The following CYP2U1 variants were observed in gnomAD, a reference collection of about 807,000 sequenced individuals.
CYP2U1 encodes cytochrome P450 2U1.
A neutral mutation model predicts 42.8 loss-of-function variants in CYP2U1; 28 were observed. That is an observed-to-expected ratio of 0.65 (90% CI 0.48 to 0.90). CYP2U1 has a LOEUF of 0.90. Among genes scored for constraint, CYP2U1 ranks in the 40% least tolerant of loss-of-function variants. The probability of loss-of-function intolerance (pLI) is 0.00; values close to 1 mark genes in which losing one functional copy is unlikely to be tolerated. For missense variants in CYP2U1, 642 were observed against 693.8 expected (o/e 0.93, Z 0.84); for synonymous variants, 296 against 278.9 (o/e 1.06, Z -0.61).
chr4:107,945,828 G>A (rs893511308), intron 2 of CYP2U1, among the ~76,000 whole-genome samples: 11 of 152,180 alleles, frequency 7.2e-5, no homozygotes, highest in African/African-American at 1.9e-4. Flanking sequence ...AAATCTCTAC[G>A]CGTCTGATTC....
At chr4:107,936,204 TTACAAAATCAGAG>T (rs1733258184) in intron 1 of CYP2U1, 1 of 152,132 alleles carries the variant, frequency 6.6e-6, no homozygotes, top group African/African-American at 2.4e-5. Context: ...GAAAAGAAAA[TTACAAAATCAGAG>T]CTAAGGCTAC....
At chr4:107,932,878 G>A (rs768227740) in intron 1 of CYP2U1, among the ~76,000 whole-genome samples, 4 of 152,166 alleles carry the variant, frequency 2.6e-5, no homozygotes, top group Non-Finnish European at 4.4e-5. Context: ...TCCCTTGTTA[G>A]AACCAGGTCC....
Position 107,947,531 on chromosome 4 carries a change from AACACAGGCAAGTCC to A in CYP2U1, c.1284_1288+9del, listed in dbSNP as rs752273786. On this transcript the variant is annotated splice_donor_variant and splice_donor_5th_base_variant and coding_sequence_variant and intron_variant, in exon 3 of 5. Transcript: ENST00000332884. LOFTEE classifies it high-confidence loss of function. ...TGCCATTCCTCATATGACCTCAGAG[AACACAGGCAAGTCC>A]AGGGTCTTCCTCTTTGAATGCCCTT... 1.2e-6 allele frequency: 2 copies of A among 1,613,978 alleles called. No individual in the cohort carries two copies. The highest frequency in any genetic ancestry group is 1.7e-6 in the Non-Finnish European group (2 of 1,179,964).
chr4:107,946,100 C>T (rs1733689440), intron 2 of CYP2U1, among the ~76,000 whole-genome samples: 1 of 152,124 alleles, frequency 6.6e-6, no homozygotes, highest in African/African-American at 2.4e-5. Flanking sequence ...AACAAATTAC[C>T]ACAAACCGAG....
chr4:107,939,142 CAG>C (rs1230113903), intron 1 of CYP2U1: 1 of 152,454 alleles, frequency 6.6e-6, no homozygotes, highest in African/African-American at 2.4e-5. Flanking sequence ...GCCTGGGTGA[CAG>C]AGTGTGGCTC....
intron 3 of CYP2U1, among the ~76,000 whole-genome samples, chr4:107,948,160 C>G (rs1391718379): frequency 6.7e-6 from 1 of 150,054 alleles, no homozygotes; most frequent in Non-Finnish European, 1.5e-5. Flanking sequence ...CCCAGCTACT[C>G]AGGAGGCTGA....
intron 1 of CYP2U1, among the ~76,000 whole-genome samples, chr4:107,942,816 T>G (rs1330282771): frequency 6.6e-6 from 1 of 152,184 alleles, no homozygotes; most frequent in Non-Finnish European, 1.5e-5. Flanking sequence ...TATAGAAACT[T>G]AAATGTGAAA....
rs1733924498 is a variant in CYP2U1 at position 107,951,971 on chromosome 4, T to TAG, written c.*1548_*1549insAG. 1 of 152,204 alleles carries TAG rather than the reference T, an allele frequency of 6.6e-6. No homozygotes were observed. Among genetic ancestry groups the TAG allele is most frequent in the African/African-American group, 2.4e-5 (1 of 41,460 alleles). 9.4% of individuals were successfully genotyped at this position (152,204 alleles called of 1,614,324 possible). On this transcript the variant is annotated 3_prime_UTR_variant, in exon 5 of 5. Transcript: ENST00000332884. ...GACTAAAGAACACTTTCAGAACCAC[T>TAG]TCTTGATTCTGCCACCACTTGATCC...
chr4:107,942,188 A>G (rs1207162413), intron 1 of CYP2U1, among the ~76,000 whole-genome samples: 1 of 152,196 alleles, frequency 6.6e-6, no homozygotes, highest in Non-Finnish European at 1.5e-5. Context: ...GGCCACATCC[A>G]GAGACAAACA....
At chr4:107,934,158 T>C (rs1299276925) in intron 1 of CYP2U1, among the ~76,000 whole-genome samples, 1 of 144,728 alleles carries the variant, frequency 6.9e-6, no homozygotes, top group African/African-American at 2.6e-5. Flanking sequence ...TTTCTCCACG[T>C]CCTCACCAAC....
chr4:107,935,657 AG>A (rs1733233330), intron 1 of CYP2U1: 1 of 152,218 alleles, frequency 6.6e-6, no homozygotes, highest in Non-Finnish European at 1.5e-5. Context: ...TGATCATCAA[AG>A]GATGAAGGAA....
intron 2 of CYP2U1, among the ~76,000 whole-genome samples, chr4:107,946,694 T>C (rs1173065593): frequency 6.6e-6 from 1 of 152,080 alleles, no homozygotes; most frequent in Non-Finnish European, 1.5e-5. Context: ...TGACTTCCAG[T>C]TTAGGGTTTC....
intron 1 of CYP2U1, among the ~76,000 whole-genome samples, chr4:107,939,676 G>A (rs767015634): frequency 1.3e-5 from 2 of 152,116 alleles, no homozygotes; most frequent in Non-Finnish European, 2.9e-5. Flanking sequence ...ATCTCAAAAC[G>A]GGTTAGAAAT....
intron 3 of CYP2U1, among the ~76,000 whole-genome samples, chr4:107,948,645 C>G (rs759480450): frequency 1.3e-4 from 20 of 152,238 alleles, no homozygotes; most frequent in Non-Finnish European, 2.6e-4. Context: ...CTAAAGTCAC[C>G]TGTTTCAGCC....
chr4:107,933,519 C>T (rs1241107810), intron 1 of CYP2U1, among the ~76,000 whole-genome samples: 1 of 152,192 alleles, frequency 6.6e-6, no homozygotes, highest in Non-Finnish European at 1.5e-5. Flanking sequence ...TTTATCCCTA[C>T]TCATTTAAAA....
In CYP2U1 at chr4:107,949,393, C is replaced by T. The variant is rs778388068; in HGVS notation, c.1332C>T (p.Pro444=). Residue 444 remains proline, a synonymous_variant, in exon 4 of 5, where the codon CCC becomes CCT. Coordinates refer to ENST00000332884, the MANE Select transcript of CYP2U1 (RefSeq NM_183075.3). The part of the protein sequence containing the change: ...YTIPKGTLIL[P]NLWSVHRDPA... ...TTCCTAAAGGCACATTGATCTTACC[C>T]AACCTGTGGTCAGTACATAGAGACC... 7 of 1,597,980 alleles carry T rather than the reference C, an allele frequency of 4.4e-6. No homozygotes were observed. In the South Asian group the frequency reaches 8.0e-5, roughly 18 times the overall value.
intron 1 of CYP2U1, among the ~76,000 whole-genome samples, chr4:107,944,106 T>C (rs1733592833): frequency 6.6e-6 from 1 of 152,176 alleles, no homozygotes; most frequent in South Asian, 2.1e-4. Context: ...GTTGGGCTAT[T>C]CATTTAGTCA....
chr4:107,935,518 G>C (rs1013952402), intron 1 of CYP2U1: 2 of 152,210 alleles, frequency 1.3e-5, no homozygotes, highest in African/African-American at 4.8e-5. Context: ...TGAAGTAAAT[G>C]CTTGTGGAGT....
chr4:107,931,704 C>A lies in CYP2U1; in HGVS notation c.61C>A (p.Leu21Met). Residue 21 changes from leucine to methionine, a missense_variant, in exon 1 of 5, where the codon CTG becomes ATG. Coordinates refer to ENST00000332884, the MANE Select transcript of CYP2U1 (RefSeq NM_183075.3). Reference protein sequence around the residue: ...AEDPPWPARLLRAPLGLLRLD... With the variant: ...AEDPPWPARLMRAPLGLLRLD... ...GGACCCGCCCTGGCCCGCGCGCCTCCTGCGTGCGCCTCTGGGGCTGCTGCG... is the reference window on the plus strand; with the variant it reads ...GGACCCGCCCTGGCCCGCGCGCCTCATGCGTGCGCCTCTGGGGCTGCTGCG... 7.4e-7 allele frequency: 1 copy of A among 1,348,782 alleles called. No individual in the cohort carries two copies. The highest frequency in any genetic ancestry group is 9.4e-7 in the Non-Finnish European group (1 of 1,059,506). The allele number at this position is 1,348,782 out of a possible 1,614,324, so 83.6% of individuals were successfully genotyped here. A position where few individuals can be genotyped will look rare whatever the true frequency, so the allele number is the denominator to read the frequency against.
Sources: gnomAD v4.1 joint callset for allele counts (sites outside exome capture counted in the v4.1 genomes callset) on GRCh38, gnomAD v4.1.1 for gene constraint, MANE v1.5 for transcripts, NCBI Gene and HGNC (gene_info 2026-07-23, HGNC 2026-07-21) for gene names.